PLEKHA5: variants seen among roughly 807,000 people sequenced by gnomAD.
The protein encoded by PLEKHA5 is pleckstrin homology domain-containing family A member 5.
In PLEKHA5, 55 loss-of-function variants were observed where a neutral mutation model predicts 181.9. That is an observed-to-expected ratio of 0.30 (90% CI 0.24 to 0.38). The LOEUF (loss-of-function observed/expected upper bound fraction) is 0.38. PLEKHA5 is among the 10% of genes least tolerant of loss of function. PLEKHA5 has a pLI of 1.00. For synonymous variants in PLEKHA5, 535 were observed against 529.4 expected, an observed-to-expected ratio of 1.01 and a Z score of -0.15; for missense variants, 1,432 against 1,549.5, an observed-to-expected ratio of 0.92 and a Z score of 1.27.
chr12:19,261,560 G>A (rs888072604), intron 7 of PLEKHA5, among the ~76,000 whole-genome samples: 2 of 152,014 alleles, frequency 1.3e-5, no homozygotes, highest in Non-Finnish European at 2.9e-5. Flanking sequence ...ACACCACATG[G>A]ATCTCTTAGA....
chr12:19,285,978 T>C (rs1193838581), intron 12 of PLEKHA5, among the ~76,000 whole-genome samples: 1 of 152,230 alleles, frequency 6.6e-6, no homozygotes, highest in African/African-American at 2.4e-5. Flanking sequence ...ACGTGGTATT[T>C]GATAGACACA....
rs1267729179 is a variant in PLEKHA5 at position 19,366,150 on chromosome 12, C to G, written c.3754+41C>G. On this transcript the variant is annotated intron_variant, in intron 30 of 31. Transcript: ENST00000429027. ...TTCATAATTTTCTACCTGGTGCTTC[C>G]TCTGAACTTCTAAATTTATTTTCCA... The G allele has an allele frequency of 2.0e-6, 3 of 1,483,550 alleles. No homozygotes were observed. In the Admixed American group the frequency reaches 6.1e-5, roughly 30 times the overall value. 91.9% of individuals were successfully genotyped at this position (1,483,550 alleles called of 1,614,324 possible). A position where few individuals can be genotyped will look rare whatever the true frequency, so the allele number is the denominator to read the frequency against.
At chr12:19,197,311 A>G (rs1404080489) in intron 3 of PLEKHA5, among the ~76,000 whole-genome samples, 1 of 151,774 alleles carries the variant, frequency 6.6e-6, no homozygotes, top group Non-Finnish European at 1.5e-5. Flanking sequence ...TGTTCTGGCT[A>G]TTTTTCAAAT....
chr12:19,358,495 A>C (rs554256407), intron 27 of PLEKHA5, 58 bp downstream of exon 27: 8 of 1,151,154 alleles, frequency 6.9e-6, no homozygotes, highest in Non-Finnish European at 1.0e-5. Context: ...TGAATTTTGG[A>C]ATCAGAGTTA....
At chr12:19,298,047 T>C (rs1384307068) in intron 15 of PLEKHA5, among the ~76,000 whole-genome samples, 1 of 151,834 alleles carries the variant, frequency 6.6e-6, no homozygotes, top group Non-Finnish European at 1.5e-5. Context: ...CTACTAAAAA[T>C]ACAAAAAATT....
At chr12:19,288,984 C>T (rs1263890073) in intron 13 of PLEKHA5, among the ~76,000 whole-genome samples, 1 of 152,184 alleles carries the variant, frequency 6.6e-6, no homozygotes, top group Non-Finnish European at 1.5e-5. Context: ...ACCAGAGTTT[C>T]AGTATTCCTT....
At chr12:19,352,190 C>G (rs1308686684) in intron 25 of PLEKHA5, among the ~76,000 whole-genome samples, 1 of 151,576 alleles carries the variant, frequency 6.6e-6, no homozygotes, top group Non-Finnish European at 1.5e-5. Flanking sequence ...TCAAGACCAG[C>G]CTGGACAACG....
intron 3 of PLEKHA5, among the ~76,000 whole-genome samples, chr12:19,241,579 A>G (rs1002614453): frequency 1.3e-5 from 2 of 152,118 alleles, no homozygotes; most frequent in African/African-American, 2.4e-5. Flanking sequence ...CAACATGGTA[A>G]AACCCCGTCT....
intron 29 of PLEKHA5, among the ~76,000 whole-genome samples, chr12:19,363,786 C>T (rs2095338147): frequency 6.6e-6 from 1 of 152,216 alleles, no homozygotes; most frequent in Non-Finnish European, 1.5e-5. Flanking sequence ...GCCACCATAC[C>T]CAGCCTTAAC....
At chr12:19,193,048 C>G (rs948234030) in intron 3 of PLEKHA5, among the ~76,000 whole-genome samples, 2 of 152,160 alleles carry the variant, frequency 1.3e-5, no homozygotes, top group Admixed American at 1.3e-4. Flanking sequence ...TATTTACTAT[C>G]TGGTCCTGTA....
At chr12:19,219,579 T>C (rs953174921) in intron 3 of PLEKHA5, among the ~76,000 whole-genome samples, 5 of 151,900 alleles carry the variant, frequency 3.3e-5, no homozygotes, top group African/African-American at 1.2e-4. Context: ...TTTGTTACTA[T>C]ACATTGAATA....
intron 3 of PLEKHA5, among the ~76,000 whole-genome samples, chr12:19,198,751 G>T (rs1270568805): frequency 1.9e-3 from 2 of 1,032 alleles, no homozygotes; most frequent in Admixed American, 0.015. Flanking sequence ...CTTAGGCAGA[G>T]TGGGAAAAAA....
In PLEKHA5 at chr12:19,194,717, C is replaced by T. The variant is rs1464773312; in HGVS notation, c.228-59223C>T. Reference sequence around the variant, plus strand: ...AATATTGAAATTTCTGCATAAGAGGCACAGATTTTAGGATTCAAAGTTGTA... The same window carrying T: ...AATATTGAAATTTCTGCATAAGAGGTACAGATTTTAGGATTCAAAGTTGTA... On this transcript the variant is annotated intron_variant, in intron 3 of 31. Transcript: ENST00000429027. Among the ~76,000 whole-genome samples, 6 of 152,088 alleles carry T rather than the reference C, an allele frequency of 3.9e-5. No homozygotes were observed. The South Asian group carries it at 1.0e-3, about 26-fold the overall frequency.
At chr12:19,183,358 A>G (rs2049039729) in intron 3 of PLEKHA5, among the ~76,000 whole-genome samples, 1 of 152,182 alleles carries the variant, frequency 6.6e-6, no homozygotes. Flanking sequence ...CTGTTATCAT[A>G]TTCTCTTTCA....
At chr12:19,334,671 A>T (rs1166927093) in intron 20 of PLEKHA5, among the ~76,000 whole-genome samples, 1 of 151,100 alleles carries the variant, frequency 6.6e-6, no homozygotes, top group South Asian at 2.1e-4. Flanking sequence ...ATTAATTTTC[A>T]TATTTATTCA....
At chr12:19,282,404 T>G (rs554984382) in intron 11 of PLEKHA5, among the ~76,000 whole-genome samples, 1 of 152,312 alleles carries the variant, frequency 6.6e-6, no homozygotes, top group African/African-American at 2.4e-5. Context: ...GAGCATCAGC[T>G]CCAAGTCACT....
intron 3 of PLEKHA5, chr12:19,152,401 A>T (rs2040627490): frequency 6.6e-6 from 1 of 152,240 alleles, no homozygotes; most frequent in Non-Finnish European, 1.5e-5. Context: ...CTCTAGGCTC[A>T]TAGATAGAGA....
chr12:19,244,935 T>G (rs1248379412), intron 3 of PLEKHA5, among the ~76,000 whole-genome samples: 1 of 152,122 alleles, frequency 6.6e-6, no homozygotes, highest in Non-Finnish European at 1.5e-5. Flanking sequence ...GCAGAGTGGA[T>G]TTTAACTGCT....
intron 3 of PLEKHA5, among the ~76,000 whole-genome samples, chr12:19,175,328 T>C (rs2046928291): frequency 6.6e-6 from 1 of 152,194 alleles, no homozygotes; most frequent in South Asian, 2.1e-4. Flanking sequence ...AGGATGGCCA[T>C]TGAAATGTTG....
Sources: allele counts gnomAD v4.1 joint callset (sites outside exome capture counted in the v4.1 genomes callset), GRCh38; gene constraint gnomAD v4.1.1; transcripts MANE v1.5; gene names NCBI Gene and HGNC (gene_info 2026-07-23, HGNC 2026-07-21).